The following KDM2B variants were observed in gnomAD, a reference collection of about 807,000 sequenced individuals.
The protein encoded by KDM2B is lysine demethylase 2B.
In KDM2B, 26 loss-of-function variants were observed where a neutral mutation model predicts 150.0. That is an observed-to-expected ratio of 0.17 (90% CI 0.13 to 0.24). KDM2B has a LOEUF of 0.24. Among genes scored for constraint, KDM2B ranks in the 10% least tolerant of loss-of-function variants. The probability of loss-of-function intolerance (pLI) is 1.00; values close to 1 mark genes in which losing one functional copy is unlikely to be tolerated. For synonymous variants in KDM2B, 734 were observed against 729.5 expected (o/e 1.01, Z -0.10); for missense variants, 1,265 against 1,816.9 (o/e 0.70, Z 5.52).
intron 22 of KDM2B, among the ~76,000 whole-genome samples, chr12:121,436,481 A>G (rs1196058591): frequency 1.3e-5 from 2 of 151,842 alleles, no homozygotes; most frequent in African/African-American, 4.8e-5. Flanking sequence ...AGATCGCGCA[A>G]TTGCACTCCA....
chr12:121,541,663 C>G (rs1888625895), intron 6 of KDM2B, among the ~76,000 whole-genome samples: 1 of 152,010 alleles, frequency 6.6e-6, no homozygotes, highest in Non-Finnish European at 1.5e-5. Flanking sequence ...CCTGCCACCC[C>G]CAGAAAGTAC....
At chr12:121,566,751 A>G (rs1555315021) in intron 4 of KDM2B, among the ~76,000 whole-genome samples, 1 of 152,054 alleles carries the variant, frequency 6.6e-6, no homozygotes, top group East Asian at 1.9e-4. Context: ...AGCCAAGATC[A>G]TGCCACTGCA....
At chr12:121,443,437 C>A in intron 17 of KDM2B, 1 of 588,436 alleles carries the variant, frequency 1.7e-6, no homozygotes, top group Non-Finnish European at 3.0e-6. Flanking sequence ...GTGGGTGGAG[C>A]AGGGCCACCA....
intron 12 of KDM2B, among the ~76,000 whole-genome samples, chr12:121,463,906 TAGA>T (rs1278697722): frequency 3.3e-5 from 5 of 151,142 alleles, no homozygotes; most frequent in Non-Finnish European, 7.4e-5. Context: ...GAAAAAATAA[TAGA>T]AGCTGTTTTC....
intron 12 of KDM2B, chr12:121,469,656 G>GTA (rs1880546144): frequency 6.6e-6 from 1 of 150,522 alleles, no homozygotes; most frequent in Non-Finnish European, 1.5e-5. Context: ...TCTGAAGTTT[G>GTA]TATCTGACCT....
intron 8 of KDM2B, among the ~76,000 whole-genome samples, chr12:121,531,718 C>T (rs1006878383): frequency 6.6e-5 from 10 of 152,162 alleles, no homozygotes; most frequent in African/African-American, 2.4e-4. Context: ...CACATCTCAC[C>T]TGATGTGGTT....
At chr12:121,494,760 C>T in intron 11 of KDM2B, 95 bp from the exon 12 acceptor site, 1 of 917,312 alleles carries the variant, frequency 1.1e-6, no homozygotes, top group South Asian at 1.8e-5. Context: ...GGATCACACT[C>T]CACAAAGTCA....
chr12:121,431,872 C>CT (rs1314720348), intron 22 of KDM2B, among the ~76,000 whole-genome samples: 25 of 118,298 alleles, frequency 2.1e-4, no homozygotes, highest in Admixed American at 3.6e-4. Context: ...GGGTTTTTTT[C>CT]TTTTTTCTTT....
intron 12 of KDM2B, among the ~76,000 whole-genome samples, chr12:121,490,021 G>A (rs1214762309): frequency 1.3e-5 from 2 of 152,196 alleles, no homozygotes; most frequent in African/African-American, 2.4e-5. Flanking sequence ...CTGAGAGCGG[G>A]GCAGGGACCC....
intron 12 of KDM2B, among the ~76,000 whole-genome samples, chr12:121,455,703 C>CA (rs1171870641): frequency 2.6e-5 from 4 of 151,846 alleles, no homozygotes; most frequent in Admixed American, 2.6e-4. Context: ...GACCCTGTCT[C>CA]AAAAAACAAA....
chr12:121,436,475 C>G (rs1173381386), intron 22 of KDM2B, among the ~76,000 whole-genome samples: 1 of 150,098 alleles, frequency 6.7e-6, no homozygotes, highest in East Asian at 1.9e-4. Flanking sequence ...GAGCCGAGAT[C>G]GCGCAATTGC....
intron 12 of KDM2B, among the ~76,000 whole-genome samples, chr12:121,489,750 T>C (rs1430244940): frequency 1.3e-5 from 2 of 152,046 alleles, no homozygotes; most frequent in African/African-American, 4.8e-5. Context: ...CTGAGCAGCT[T>C]TCAGAAAGTG....
chr12:121,477,172 C>T (rs1404553210), intron 12 of KDM2B, among the ~76,000 whole-genome samples: 1 of 151,878 alleles, frequency 6.6e-6, no homozygotes, highest in Non-Finnish European at 1.5e-5. Context: ...CTCCAGGCCT[C>T]AAGCAATCCC....
chr12:121,557,847 G>A (rs1410482830), intron 4 of KDM2B, among the ~76,000 whole-genome samples: 1 of 152,220 alleles, frequency 6.6e-6, no homozygotes, highest in African/African-American at 2.4e-5. Flanking sequence ...GGGTTAGTGA[G>A]AGAATGACTG....
intron 8 of KDM2B, chr12:121,524,696 G>A (rs117296042): frequency 0.05 from 22,797 of 453,838 alleles, 737 homozygotes; most frequent in Middle Eastern, 0.097. Context: ...ATGGCCTCTC[G>A]ACAGCCCAGG....
At chr12:121,563,572 A>G (rs1419090812) in intron 4 of KDM2B, among the ~76,000 whole-genome samples, 4 of 151,758 alleles carry the variant, frequency 2.6e-5, no homozygotes, top group African/African-American at 9.7e-5. Flanking sequence ...GCACCACTGC[A>G]CTTCAGCCTG....
intron 12 of KDM2B, among the ~76,000 whole-genome samples, chr12:121,455,431 G>T (rs1441106199): frequency 1.3e-5 from 2 of 152,252 alleles, no homozygotes; most frequent in African/African-American, 4.8e-5. Context: ...AGCAAAGGGC[G>T]CCAGGAACGG....
chr12:121,508,814 G>C (rs141028353), intron 11 of KDM2B, among the ~76,000 whole-genome samples: 185 of 152,308 alleles, frequency 1.2e-3, no homozygotes, highest in Non-Finnish European at 2.1e-3. Context: ...CATAGTGCCC[G>C]CATCAGCTGG....
Position 121,442,915 on chromosome 12 carries a change from G to A in KDM2B, c.2604+77C>T, listed in dbSNP as rs567994230. On this transcript the variant is annotated intron_variant, in intron 18 of 22. Transcript: ENST00000377071. This position sits in a 1 kb window ranked among gnomAD's most constrained non-coding sequence, Gnocchi z 7.7. ...CCAAGGCCTCCCGCCCCCCTGCCAC[G>A]GGACTGTGGCCCAGGGAGCTGCGGT... 9 of 1,577,952 alleles carry A rather than the reference G, an allele frequency of 5.7e-6. No homozygotes were observed. The East Asian group carries it at 9.1e-5, about 16-fold the overall frequency.
Sources: allele counts gnomAD v4.1 joint callset (sites outside exome capture counted in the v4.1 genomes callset), GRCh38; gene constraint gnomAD v4.1.1; non-coding constraint Gnocchi (gnomAD v3.1); transcripts MANE v1.5; gene names NCBI Gene and HGNC (gene_info 2026-07-23, HGNC 2026-07-21).